RBPMS: variants seen among roughly 807,000 people sequenced by gnomAD.
RBPMS encodes RNA-binding protein with multiple splicing.
Under a neutral mutation model 26.8 loss-of-function variants are expected in RBPMS, and 7 were observed. The observed-to-expected ratio is 0.26, with a 90% CI of 0.15 to 0.49. The LOEUF is 0.49. Ranked by LOEUF, RBPMS falls within the 20% of genes least tolerant of loss-of-function variation. RBPMS has a pLI of 0.98. For synonymous variants in RBPMS, 96 were observed against 93.3 expected (o/e 1.03, Z -0.17); for missense variants, 186 against 250.0 (o/e 0.74, Z 1.73).
At chr8:30,439,261 C>T (rs570547855) in intron 1 of RBPMS, among the ~76,000 whole-genome samples, 1 of 152,202 alleles carries the variant, frequency 6.6e-6, no homozygotes, top group East Asian at 1.9e-4. Context: ...TTCATAGTAT[C>T]ATTTAAAAGC....
At chr8:30,483,301 T>G (rs1818464331) in intron 4 of RBPMS, among the ~76,000 whole-genome samples, 1 of 152,204 alleles carries the variant, frequency 6.6e-6, no homozygotes, top group Admixed American at 6.5e-5. Context: ...TCCCTGATTT[T>G]GGATAGTTGT....
chr8:30,503,055 T>TC (rs1820724078), intron 4 of RBPMS, among the ~76,000 whole-genome samples: 2 of 151,882 alleles, frequency 1.3e-5, no homozygotes, highest in South Asian at 4.2e-4. Context: ...TTCCACCCAC[T>TC]CCAAGACTTC....
rs1311380359 is a variant in RBPMS, at chr8:30,572,079, C to T, written c.*1554C>T. ...AGGCAGTTAGCTCAAGGACTTGTGA[C>T]GGATCCACTTTGGTGTTCAAGGACC... On this transcript the variant is annotated 3_prime_UTR_variant, in exon 9 of 9. Coordinates refer to ENST00000397323, the MANE Select transcript of RBPMS (RefSeq NM_001008710.3). 2 of 152,210 alleles carry T rather than the reference C, an allele frequency of 1.3e-5. No homozygotes were observed. The highest frequency in any genetic ancestry group is 4.8e-5 in the African/African-American group (2 of 41,426). 9.4% of individuals were successfully genotyped at this position (152,210 alleles called of 1,614,324 possible). A position where few individuals can be genotyped will look rare whatever the true frequency, so the allele number is the denominator to read the frequency against.
intron 5 of RBPMS, among the ~76,000 whole-genome samples, chr8:30,510,797 T>C (rs1821509919): frequency 6.6e-6 from 1 of 152,156 alleles, no homozygotes. Flanking sequence ...CAGGCTGGTC[T>C]CCTGGGCTCA....
At chr8:30,391,443 G>A (rs1807778706) in intron 1 of RBPMS, among the ~76,000 whole-genome samples, 1 of 152,168 alleles carries the variant, frequency 6.6e-6, no homozygotes, top group Non-Finnish European at 1.5e-5. Context: ...TGTTCCTCTT[G>A]AACAGTGCTT....
intron 1 of RBPMS, among the ~76,000 whole-genome samples, chr8:30,469,217 A>T (rs761416636): frequency 3.9e-5 from 6 of 152,240 alleles, no homozygotes; most frequent in Non-Finnish European, 7.3e-5. Context: ...TTTATTAAAG[A>T]GAGGGCCATT....
At chr8:30,499,941 CTG>C (rs1472728790) in intron 4 of RBPMS, among the ~76,000 whole-genome samples, 3 of 151,504 alleles carry the variant, frequency 2.0e-5, no homozygotes, top group Admixed American at 6.6e-5. Context: ...TCTAAGAAAT[CTG>C]TGCAAAGGGT....
intron 5 of RBPMS, among the ~76,000 whole-genome samples, chr8:30,514,705 A>ATTTTTTTTTTT (rs1241927772): frequency 1.8e-4 from 4 of 22,304 alleles, no homozygotes; most frequent in Non-Finnish European, 4.6e-4. Flanking sequence ...TTTTTTTTTA[A>ATTTTTTTTTTT]TGTAGAGGCG....
chr8:30,423,169 T>TC (rs1810985046), intron 1 of RBPMS, among the ~76,000 whole-genome samples: 1 of 152,240 alleles, frequency 6.6e-6, no homozygotes, highest in Admixed American at 6.5e-5. Flanking sequence ...TTATCTGGTT[T>TC]CCCAGCCTCG....
intron 6 of RBPMS, among the ~76,000 whole-genome samples, chr8:30,550,678 T>G (rs1278921125): frequency 6.6e-6 from 1 of 152,158 alleles, no homozygotes; most frequent in Non-Finnish European, 1.5e-5. Context: ...ACAGCACCGA[T>G]TGACAGCACC....
chr8:30,458,685 A>G (rs529088856), intron 1 of RBPMS, among the ~76,000 whole-genome samples: 10 of 152,316 alleles, frequency 6.6e-5, no homozygotes, highest in African/African-American at 1.9e-4. Context: ...TGCACTGACA[A>G]TTCTGTGCTA....
chr8:30,506,848 G>A (rs1821122815), intron 5 of RBPMS, among the ~76,000 whole-genome samples: 1 of 152,130 alleles, frequency 6.6e-6, no homozygotes, highest in Admixed American at 6.5e-5. Flanking sequence ...ACATACACTT[G>A]AACTCTCAAT....
intron 1 of RBPMS, among the ~76,000 whole-genome samples, chr8:30,412,955 A>C (rs1809623273): frequency 6.6e-6 from 1 of 152,228 alleles, no homozygotes; most frequent in African/African-American, 2.4e-5. Flanking sequence ...CTGGAAGGTC[A>C]CCCAAGAACC....
intron 7 of RBPMS, among the ~76,000 whole-genome samples, chr8:30,563,634 C>T (rs116125538): frequency 1.0e-3 from 157 of 152,262 alleles, no homozygotes; most frequent in African/African-American, 3.7e-3. Context: ...GAGAACGTGA[C>T]GGAATTTGGA....
At chr8:30,526,535 A>G (rs1823602251) in intron 5 of RBPMS, among the ~76,000 whole-genome samples, 1 of 152,186 alleles carries the variant, frequency 6.6e-6, no homozygotes, top group Non-Finnish European at 1.5e-5. Context: ...CCGCAATTTT[A>G]TTTTACTGAA....
chr8:30,552,357 G>A (rs1420900234), intron 6 of RBPMS: 1 of 152,202 alleles, frequency 6.6e-6, no homozygotes, highest in Non-Finnish European at 1.5e-5. Context: ...GAACTTTTCT[G>A]TGAAGAAAAC....
intron 4 of RBPMS, among the ~76,000 whole-genome samples, chr8:30,482,055 T>C (rs1442033552): frequency 3.3e-4 from 50 of 152,358 alleles, no homozygotes; most frequent in Non-Finnish European, 7.3e-5. Flanking sequence ...TAATTCACAA[T>C]GTCCAGGACA....
chr8:30,515,028 G>A (rs954032907), intron 5 of RBPMS, among the ~76,000 whole-genome samples: 4 of 152,066 alleles, frequency 2.6e-5, no homozygotes, highest in African/African-American at 9.7e-5. Flanking sequence ...GTCTCACTCT[G>A]TTGCCAGTGG....
chr8:30,480,439 C>A (rs79552960), intron 4 of RBPMS, among the ~76,000 whole-genome samples: 3 of 152,278 alleles, frequency 2.0e-5, no homozygotes, highest in Non-Finnish European at 4.4e-5. Flanking sequence ...GTCATTGATA[C>A]ACAACCTTAA....
Sources: allele counts gnomAD v4.1 joint callset (sites outside exome capture counted in the v4.1 genomes callset), GRCh38; gene constraint gnomAD v4.1.1; transcripts MANE v1.5; gene names NCBI Gene and HGNC (gene_info 2026-07-23, HGNC 2026-07-21).